SENP2: variants seen among roughly 807,000 people sequenced by gnomAD.
SENP2 encodes the protein SUMO specific peptidase 2, also known as sentrin-specific protease 2.
Under a neutral mutation model 86.3 loss-of-function variants are expected in SENP2, and 16 were observed. The ratio of observed to expected loss-of-function variants is 0.19; its 90% confidence interval spans 0.13 to 0.28. The LOEUF is 0.28. Among genes scored for constraint, SENP2 ranks in the 10% least tolerant of loss-of-function variants. SENP2 has a pLI of 1.00. For synonymous variants in SENP2, 222 were observed against 238.7 expected, an observed-to-expected ratio of 0.93 and a Z score of 0.64; for missense variants, 552 against 703.0, an observed-to-expected ratio of 0.79 and a Z score of 2.43.
chr3:185,609,171 C>T, intron 6 of SENP2, 76 bp from the exon 7 acceptor site: 2 of 928,376 alleles, frequency 2.2e-6, no homozygotes, highest in South Asian at 3.1e-5. Flanking sequence ...ATAAAACACA[C>T]CTATGGTTTA....
chr3:185,617,347 G>A (rs1422212959), intron 11 of SENP2, 133 bp from the exon 12 acceptor site: 2 of 605,140 alleles, frequency 3.3e-6, no homozygotes, highest in African/African-American at 1.9e-5. Flanking sequence ...AGTTTAGTAG[G>A]TCTTTGATAG....
chr3:185,619,231 C>A, intron 12 of SENP2, 68 bp from the exon 13 acceptor site: 1 of 1,125,140 alleles, frequency 8.9e-7, no homozygotes, highest in Non-Finnish European at 1.3e-6. Context: ...CATCCTTATT[C>A]AGGTAGAAAT....
intron 2 of SENP2, among the ~76,000 whole-genome samples, chr3:185,597,732 C>T (rs1722221166): frequency 2.0e-5 from 3 of 151,502 alleles, no homozygotes; most frequent in Admixed American, 2.0e-4. Flanking sequence ...TGGCTCACCA[C>T]AACCTCTGCC....
At chr3:185,595,231 T>C (rs1259652789) in intron 2 of SENP2, among the ~76,000 whole-genome samples, 1 of 152,230 alleles carries the variant, frequency 6.6e-6, no homozygotes. Context: ...TATTGTTTAG[T>C]AGCCACAATT....
chr3:185,610,163 T>TC (rs1266531105), intron 7 of SENP2, among the ~76,000 whole-genome samples: 1 of 148,982 alleles, frequency 6.7e-6, no homozygotes, highest in Non-Finnish European at 1.5e-5. Context: ...GCTTTTTTTT[T>TC]TTTTTTTTTT....
At chr3:185,602,486 G>A (rs898463248) in intron 5 of SENP2, among the ~76,000 whole-genome samples, 1 of 152,016 alleles carries the variant, frequency 6.6e-6, no homozygotes, top group Non-Finnish European at 1.5e-5. Flanking sequence ...ATATAGTGTC[G>A]AGGAGGGAAA....
intron 15 of SENP2, 46 bp from the exon 16 acceptor site, chr3:185,626,252 A>C: frequency 8.2e-7 from 1 of 1,221,594 alleles, no homozygotes. Context: ...TTTGTATTTA[A>C]TGATGTTTTA....
At position 185,586,893 on chromosome 3, in the gene SENP2, C is replaced by T. The variant is rs1721801551; in HGVS notation, c.101+379C>T. 6.6e-6 allele frequency among the ~76,000 whole-genome samples: 1 copy of T among 152,184 alleles called. No homozygotes were observed. On this transcript the variant is annotated intron_variant, in intron 1 of 16. Coordinates refer to ENST00000296257, the MANE Select transcript of SENP2 (RefSeq NM_021627.3). The surrounding 1 kb of genome is among the most constrained non-coding windows in gnomAD (Gnocchi z 4.3). Reference sequence around the variant, plus strand: ...CATTAAGTGCAGTTGAAGTGAGATTCATAGCTTGCCCAAAGCCGTTTTGAC... The same window carrying T: ...CATTAAGTGCAGTTGAAGTGAGATTTATAGCTTGCCCAAAGCCGTTTTGAC...
intron 6 of SENP2, among the ~76,000 whole-genome samples, chr3:185,607,098 T>C (rs1722538941): frequency 6.6e-6 from 1 of 151,716 alleles, no homozygotes; most frequent in South Asian, 2.1e-4. Flanking sequence ...TGTTACATAT[T>C]TCAAAAGGTA....
intron 16 of SENP2, among the ~76,000 whole-genome samples, chr3:185,627,220 A>G (rs1414444069): frequency 6.6e-6 from 1 of 152,066 alleles, no homozygotes; most frequent in East Asian, 1.9e-4. Context: ...TGGTGACACA[A>G]TGGGCACAAT....
intron 13 of SENP2, among the ~76,000 whole-genome samples, chr3:185,619,798 G>T (rs377411258): frequency 6.6e-6 from 1 of 152,036 alleles, no homozygotes; most frequent in African/African-American, 2.4e-5. Context: ...TGTGATCATA[G>T]CTCATTGCAG....
At chr3:185,606,301 C>T in intron 5 of SENP2, 29 bp from the exon 6 acceptor site, 1 of 1,568,538 alleles carries the variant, frequency 6.4e-7, no homozygotes, top group Non-Finnish European at 8.6e-7. Flanking sequence ...CTTGGTGATA[C>T]TTTTTTTCTT....
At chr3:185,598,633 G>A in intron 3 of SENP2, 88 bp downstream of exon 3, 2 of 1,323,132 alleles carry the variant, frequency 1.5e-6, no homozygotes, top group Non-Finnish European at 1.0e-6. Context: ...GAGTTAATGT[G>A]TATAATTACT....
At position 185,630,020 on chromosome 3, in the gene SENP2, G is replaced by A. The variant is rs1306326616; in HGVS notation, c.*176G>A. 4.9e-6 allele frequency: 3 copies of A among 613,374 alleles called. No individual in the cohort carries two copies. The highest frequency in any genetic ancestry group is 8.8e-6 in the Non-Finnish European group (3 of 340,968). The allele number at this position is 613,374 out of a possible 1,614,324, so 38.0% of individuals were successfully genotyped here. A position where few individuals can be genotyped will look rare whatever the true frequency, so the allele number is the denominator to read the frequency against. Reference sequence around the variant, plus strand: ...CTAGTCCTGACTTGGGGTGCAGAGGGCTGCTTGCAATCCTGTTTGTAAGGC... The same window carrying A: ...CTAGTCCTGACTTGGGGTGCAGAGGACTGCTTGCAATCCTGTTTGTAAGGC... On this transcript the variant is annotated 3_prime_UTR_variant, in exon 17 of 17. Coordinates refer to ENST00000296257, the MANE Select transcript of SENP2 (RefSeq NM_021627.3).
chr3:185,600,108 T>G (rs1722297884), intron 4 of SENP2, among the ~76,000 whole-genome samples: 2 of 152,202 alleles, frequency 1.3e-5, no homozygotes. Context: ...AAAGATGATA[T>G]TACTTTGAAG....
chr3:185,589,289 G>GT (rs1057438864), intron 1 of SENP2, among the ~76,000 whole-genome samples: 58 of 151,920 alleles, frequency 3.8e-4, no homozygotes, highest in African/African-American at 1.3e-3. Context: ...TTGTAGAACA[G>GT]TTTTTTTTAA....
At chr3:185,607,618 C>G (rs1406090036) in intron 6 of SENP2, among the ~76,000 whole-genome samples, 1 of 152,190 alleles carries the variant, frequency 6.6e-6, no homozygotes, top group Admixed American at 6.5e-5. Flanking sequence ...GCATGAGCCA[C>G]TGAGCCTGGC....
At position 185,592,007 on chromosome 3, in the gene SENP2, A is replaced by ATATTTTTT. The variant is rs1722015953; in HGVS notation, c.157+1839_157+1840insATTTTTTT. 2.8e-4 allele frequency among the ~76,000 whole-genome samples: 10 copies of ATATTTTTT among 35,116 alleles called. No individual in the cohort carries two copies. In the East Asian group the frequency reaches 5.9e-3, roughly 21 times the overall value. The allele number at this position is 35,116 out of a possible 152,430, so 23.0% of individuals were successfully genotyped here. On this transcript the variant is annotated intron_variant, in intron 2 of 16. Transcript: ENST00000296257. ...ACTCCTGTCTTTAAGAACCGGTAAT[A>ATATTTTTT]TTTCTTTTTTTTTTTTTTTTTTTTT...
Position 185,598,452 on chromosome 3 carries a change from T to G in SENP2, c.198T>G (p.Ala66=). 1 of 1,614,114 alleles carries G rather than the reference T, an allele frequency of 6.2e-7. No homozygotes were observed. Among genetic ancestry groups the G allele is most frequent in the Non-Finnish European group, 8.5e-7 (1 of 1,179,946 alleles). The change falls in exon 3 of 17, where the codon GCT becomes GCG. Residue 66 remains alanine, a synonymous_variant. Coordinates refer to ENST00000296257, the MANE Select transcript of SENP2 (RefSeq NM_021627.3). The part of the protein sequence containing the change: ...IHQVKNSLYN[A]ASLFGFPFQL... ...AAGTGAAAAACAGTCTCTACAATGC[T>G]GCCAGCTTATTTGGATTCCCATTCC...
Sources: allele counts gnomAD v4.1 joint callset (sites outside exome capture counted in the v4.1 genomes callset), GRCh38; gene constraint gnomAD v4.1.1; non-coding constraint Gnocchi (gnomAD v3.1); transcripts MANE v1.5; gene names NCBI Gene and HGNC (gene_info 2026-07-23, HGNC 2026-07-21).